RANBP2: variants seen among roughly 807,000 people sequenced by gnomAD.
The protein encoded by RANBP2 is E3 SUMO-protein ligase RanBP2.
Under a neutral mutation model 303.6 loss-of-function variants are expected in RANBP2, and 57 were observed. That is an observed-to-expected ratio of 0.19 (90% CI 0.15 to 0.23). The LOEUF (loss-of-function observed/expected upper bound fraction) is 0.23, where lower values mean the gene tolerates loss of function less well. Among genes scored for constraint, RANBP2 ranks in the 10% least tolerant of loss-of-function variants. RANBP2 has a pLI of 1.00. For missense variants in RANBP2, 3,138 were observed against 3,780.8 expected, an observed-to-expected ratio of 0.83 and a Z score of 4.46; for synonymous variants, 1,167 against 1,301.5, an observed-to-expected ratio of 0.90 and a Z score of 2.23.
At chr2:109,252,635 G>A in the RANBP2 span, among the ~76,000 whole-genome samples, 1 of 152,196 alleles carries the variant, frequency 6.6e-6, no homozygotes, top group South Asian at 2.1e-4. Flanking sequence ...AGTATCATAA[G>A]TTGAAAACGC....
chr2:109,157,235 G>C, the RANBP2 span, among the ~76,000 whole-genome samples: 4 of 152,172 alleles, frequency 2.6e-5, no homozygotes, highest in African/African-American at 9.7e-5. Context: ...AGCTCTGCTG[G>C]TAGGTCTAGT....
chr2:109,484,966 A>G, the RANBP2 span, among the ~76,000 whole-genome samples: 51 of 152,334 alleles, frequency 3.3e-4, 1 homozygote, highest in East Asian at 8.9e-3. Flanking sequence ...ATTGTGTTCA[A>G]TCCTTTATTC....
the RANBP2 span, among the ~76,000 whole-genome samples, chr2:108,807,120 G>A: frequency 6.6e-6 from 1 of 152,036 alleles, no homozygotes; most frequent in Non-Finnish European, 1.5e-5. Context: ...GCATAACTGA[G>A]AATGAAGAAA....
chr2:109,406,365 C>T, the RANBP2 span, among the ~76,000 whole-genome samples: 1 of 152,008 alleles, frequency 6.6e-6, no homozygotes, highest in African/African-American at 2.4e-5. Flanking sequence ...AGCAGGTGCC[C>T]GAGGACCCTA....
chr2:109,734,485 A>G, the RANBP2 span, among the ~76,000 whole-genome samples: 2 of 152,206 alleles, frequency 1.3e-5, no homozygotes, highest in Non-Finnish European at 2.9e-5. Flanking sequence ...AAAAAAATTA[A>G]AAAGATCAAA....
chr2:109,082,367 C>A, the RANBP2 span, among the ~76,000 whole-genome samples: 19 of 152,084 alleles, frequency 1.2e-4, no homozygotes, highest in Admixed American at 1.2e-3. Flanking sequence ...GTGGTGCTAT[C>A]TTGGCTCACT....
chr2:109,653,711 T>C, the RANBP2 span, among the ~76,000 whole-genome samples: 471 of 152,320 alleles, frequency 3.1e-3, 30 homozygotes, highest in East Asian at 0.085. Context: ...AATTTTCTCA[T>C]ATTCTTGAAT....
the RANBP2 span, among the ~76,000 whole-genome samples, chr2:109,386,114 C>T: frequency 5.3e-5 from 8 of 152,172 alleles, 1 homozygote; most frequent in South Asian, 6.2e-4. Flanking sequence ...AGCTAAGGAA[C>T]GTGCATAGAC....
the RANBP2 span, among the ~76,000 whole-genome samples, chr2:109,013,558 G>T: frequency 2.0e-5 from 3 of 151,560 alleles, no homozygotes; most frequent in Admixed American, 6.6e-5. Context: ...CATGGTATAT[G>T]TTTATATTGC....
At chr2:109,355,931 G>T in the RANBP2 span, among the ~76,000 whole-genome samples, 6 of 152,328 alleles carry the variant, frequency 3.9e-5, no homozygotes, top group East Asian at 7.7e-4. Flanking sequence ...GTCCTGTTGT[G>T]ATCTAGCCAT....
At chr2:109,052,784 G>C in the RANBP2 span, among the ~76,000 whole-genome samples, 2 of 152,158 alleles carry the variant, frequency 1.3e-5, no homozygotes, top group Non-Finnish European at 2.9e-5. Flanking sequence ...ACAGGTGTGA[G>C]CCACCCGGCC....
rs61758804 is a variant in RANBP2, at chr2:108,775,846, A to G, written c.8407A>G (p.Ile2803Val). 4.1e-3 allele frequency: 6,624 copies of G among 1,613,754 alleles called. 25 individuals carry two copies. The highest frequency in any genetic ancestry group is 4.9e-3 in the Non-Finnish European group (5,793 of 1,179,916). The part of the protein sequence containing the change: ...SEEPDSITKS[I>V]SSPSVSSETM... Reference sequence around the variant, plus strand: ...AGAACCTGATTCTATTACCAAATCCATTAGTTCACCATCTGTTTCCTCTGA... The same window carrying G: ...AGAACCTGATTCTATTACCAAATCCGTTAGTTCACCATCTGTTTCCTCTGA... The change falls in exon 24 of 29, where the codon ATT becomes GTT. Residue 2803 changes from isoleucine (I) to valine (V), a missense_variant. Ile to Val is a conservative substitution (Grantham distance 29). Around this residue, in one of 20 missense-constraint regions of RANBP2, gnomAD observed 497 missense variants for 465.8 expected, o/e 1.07. Transcript: ENST00000283195.
the RANBP2 span, among the ~76,000 whole-genome samples, chr2:109,361,943 A>G: frequency 1.3e-5 from 2 of 152,084 alleles, no homozygotes; most frequent in African/African-American, 4.8e-5. Context: ...TCCTGATATT[A>G]GTACTTTGTG....
At chr2:109,677,113 T>G in the RANBP2 span, among the ~76,000 whole-genome samples, 2 of 152,090 alleles carry the variant, frequency 1.3e-5, no homozygotes, top group Non-Finnish European at 2.9e-5. Flanking sequence ...CATCAGCACC[T>G]CCTCCTGTCT....
the RANBP2 span, among the ~76,000 whole-genome samples, chr2:109,483,071 C>T: frequency 1.4e-4 from 21 of 152,232 alleles, no homozygotes; most frequent in Non-Finnish European, 2.4e-4. Context: ...TCTAAAAATG[C>T]GTTGCATATT....
the RANBP2 span, among the ~76,000 whole-genome samples, chr2:109,738,292 G>T: frequency 6.8e-6 from 1 of 147,464 alleles, no homozygotes; most frequent in Non-Finnish European, 1.5e-5. Flanking sequence ...TCTGCATATG[G>T]ATATCCAGTT....
At chr2:109,441,489 C>T in the RANBP2 span, among the ~76,000 whole-genome samples, 1,014 of 151,664 alleles carry the variant, frequency 6.7e-3, 13 homozygotes, top group African/African-American at 0.023. Context: ...TAATAGAAGC[C>T]GTGGAAAGTG....
chr2:108,796,160 T>C, the RANBP2 span, among the ~76,000 whole-genome samples: 1 of 152,070 alleles, frequency 6.6e-6, no homozygotes, highest in Non-Finnish European at 1.5e-5. Context: ...GCCATTCTCC[T>C]GCCTCAGCCT....
the RANBP2 span, chr2:109,552,737 T>G: frequency 3.9e-5 from 8 of 202,660 alleles, no homozygotes; most frequent in African/African-American, 1.2e-4. Flanking sequence ...CTGAGACTGG[T>G]TGAATGAGGC....
Sources: gnomAD v4.1 joint callset for allele counts (sites outside exome capture counted in the v4.1 genomes callset) on GRCh38, gnomAD v4.1.1 for gene constraint, gnomAD v4.1.1 regional missense constraint, MANE v1.5 for transcripts, NCBI Gene and HGNC (gene_info 2026-07-23, HGNC 2026-07-21) for gene names.